WFDC11: variants seen among roughly 807,000 people sequenced by gnomAD.
The protein encoded by WFDC11 is WAP four-disulfide core domain 11, also known as protein WFDC11.
In WFDC11, 9 loss-of-function variants were observed where a neutral mutation model predicts 9.9. That is an observed-to-expected ratio of 0.91 (90% CI 0.55 to 1.58). The LOEUF (loss-of-function observed/expected upper bound fraction) is 1.58. Among genes scored for constraint, WFDC11 ranks in the 40% most tolerant of loss-of-function variants. WFDC11 has a pLI of 0.00. For synonymous variants in WFDC11, 32 were observed against 33.3 expected (o/e 0.96, Z 0.13); for missense variants, 106 against 101.7 (o/e 1.04, Z -0.18).
At chr20:45,667,694 C>A (rs189233020) in intron 1 of WFDC11, among the ~76,000 whole-genome samples, 224 of 152,302 alleles carry the variant, frequency 1.5e-3, no homozygotes, top group Admixed American at 2.7e-3. Flanking sequence ...ATCCCACTTA[C>A]TCTAGGAAAG....
chr20:45,666,508 A>G (rs1278264752), intron 2 of WFDC11, among the ~76,000 whole-genome samples: 1 of 152,228 alleles, frequency 6.6e-6, no homozygotes, highest in Admixed American at 6.5e-5. Context: ...TTCTGCATTG[A>G]TCACGCTGGG....
chr20:45,650,432 A>C, intron 3 of WFDC11, 69 bp downstream of exon 3: 10 of 1,315,226 alleles, frequency 7.6e-6, no homozygotes, highest in South Asian at 2.4e-5. Context: ...CGGACAATGA[A>C]ACCCCCTCCC....
At chr20:45,649,754 AGG>A (rs941708727) in intron 3 of WFDC11, among the ~76,000 whole-genome samples, 3 of 152,196 alleles carry the variant, frequency 2.0e-5, no homozygotes, top group Non-Finnish European at 4.4e-5. Flanking sequence ...AGGAGATCTC[AGG>A]GCCCGGCATA....
chr20:45,660,740 A>G (rs1199727578), intron 2 of WFDC11, among the ~76,000 whole-genome samples: 2 of 152,206 alleles, frequency 1.3e-5, no homozygotes, highest in African/African-American at 4.8e-5. Context: ...TACAAAGGAC[A>G]TGAACTCACC....
intron 2 of WFDC11, among the ~76,000 whole-genome samples, chr20:45,656,720 G>T (rs1409953906): frequency 6.6e-6 from 1 of 152,190 alleles, no homozygotes; most frequent in South Asian, 2.1e-4. Flanking sequence ...AATCTACAAA[G>T]AACTCAAACA....
At chr20:45,663,268 C>T (rs1013775543) in intron 2 of WFDC11, among the ~76,000 whole-genome samples, 3 of 151,872 alleles carry the variant, frequency 2.0e-5, no homozygotes, top group Admixed American at 1.3e-4. Context: ...GTGGTGATAG[C>T]CCCCCTTTAT....
At chr20:45,666,588 C>A (rs1869797291) in intron 2 of WFDC11, among the ~76,000 whole-genome samples, 1 of 152,184 alleles carries the variant, frequency 6.6e-6, no homozygotes. Flanking sequence ...TTCTTATCAA[C>A]CTGAGCCTTA....
At chr20:45,656,650 A>G (rs1301981977) in intron 2 of WFDC11, among the ~76,000 whole-genome samples, 1 of 151,852 alleles carries the variant, frequency 6.6e-6, no homozygotes, top group Non-Finnish European at 1.5e-5. Flanking sequence ...TGAACAGGCA[A>G]CCTACAGAAC....
At chr20:45,664,210 A>G (rs1454816221) in intron 2 of WFDC11, among the ~76,000 whole-genome samples, 1 of 152,128 alleles carries the variant, frequency 6.6e-6, no homozygotes, top group Admixed American at 6.5e-5. Context: ...TTGTTGGTTT[A>G]AAGTCTGTTT....
At chr20:45,666,671 A>T (rs1042833564) in intron 2 of WFDC11, among the ~76,000 whole-genome samples, 1 of 152,190 alleles carries the variant, frequency 6.6e-6, no homozygotes, top group Admixed American at 6.5e-5. Flanking sequence ...TATCTATTCT[A>T]TCATGAGTAT....
At chr20:45,662,837 G>C (rs1200798255) in intron 2 of WFDC11, among the ~76,000 whole-genome samples, 2 of 152,138 alleles carry the variant, frequency 1.3e-5, no homozygotes, top group African/African-American at 2.4e-5. Flanking sequence ...TTTTATTGAG[G>C]ATTTTTGCAG....
At chr20:45,655,741 A>G (rs572367328) in intron 2 of WFDC11, among the ~76,000 whole-genome samples, 74 of 152,254 alleles carry the variant, frequency 4.9e-4, no homozygotes, top group African/African-American at 1.7e-3. Context: ...AAAGTTTCAG[A>G]ATACAAAATC....
intron 2 of WFDC11, among the ~76,000 whole-genome samples, chr20:45,660,901 G>C (rs936490591): frequency 6.6e-6 from 1 of 152,174 alleles, no homozygotes; most frequent in Non-Finnish European, 1.5e-5. Flanking sequence ...CTTTATAGCA[G>C]CATGACTTAT....
intron 2 of WFDC11, among the ~76,000 whole-genome samples, chr20:45,664,860 C>T (rs915198061): frequency 6.6e-6 from 1 of 152,138 alleles, no homozygotes; most frequent in Non-Finnish European, 1.5e-5. Flanking sequence ...TTTTTTCCTT[C>T]ATTTCAACTT....
At chr20:45,657,633 C>A (rs1387945408) in intron 2 of WFDC11, among the ~76,000 whole-genome samples, 1 of 152,122 alleles carries the variant, frequency 6.6e-6, no homozygotes, top group Admixed American at 6.6e-5. Flanking sequence ...ACTGTTGAAA[C>A]TATAAAACTA....
rs753864502 is a variant in WFDC11, at chr20:45,650,575, A to G, written c.26T>C (p.Ile9Thr). 1 of 1,614,178 alleles carries G rather than the reference A, an allele frequency of 6.2e-7. No homozygotes were observed. Among genetic ancestry groups the G allele is most frequent in the Non-Finnish European group, 8.5e-7 (1 of 1,180,032 alleles). The change falls in exon 3 of 5, where the codon ATA (isoleucine) becomes ACA (threonine). Residue 9 changes from isoleucine to threonine, a missense_variant. Ile to Thr is a moderately conservative substitution (Grantham distance 89). Transcript: ENST00000324384. Reference sequence around the variant, plus strand: ...ACAGAAGAATGTCATGAGCATGGGTATCCAGAGCTTCATGAGGCTGACCAT... The same window carrying G: ...ACAGAAGAATGTCATGAGCATGGGTGTCCAGAGCTTCATGAGGCTGACCAT... MVSLMKLW[I>T]PMLMTFFCTV...
chr20:45,661,152 T>C (rs1286124159), intron 2 of WFDC11, among the ~76,000 whole-genome samples: 1 of 152,230 alleles, frequency 6.6e-6, no homozygotes, highest in African/African-American at 2.4e-5. Context: ...TTGATTTGCA[T>C]TTCTCTGATG....
intron 2 of WFDC11, among the ~76,000 whole-genome samples, chr20:45,656,121 G>A (rs182727480): frequency 0.01 from 1,563 of 152,088 alleles, 27 homozygotes; most frequent in African/African-American, 0.035. Flanking sequence ...AGCCCACATC[G>A]CCAAGTCAAT....
intron 1 of WFDC11, among the ~76,000 whole-genome samples, chr20:45,668,017 C>A (rs988480599): frequency 5.3e-5 from 8 of 152,174 alleles, no homozygotes; most frequent in African/African-American, 1.9e-4. Context: ...GAAACTGAAG[C>A]ATCGAGGAGC....
Sources: allele counts gnomAD v4.1 joint callset (sites outside exome capture counted in the v4.1 genomes callset), GRCh38; gene constraint gnomAD v4.1.1; transcripts MANE v1.5; gene names NCBI Gene and HGNC (gene_info 2026-07-23, HGNC 2026-07-21).